Variants in ANO4 observed in about 807,000 individuals in gnomAD.
ANO4 encodes the protein anoctamin-4.
In ANO4, 69 loss-of-function variants were observed where a neutral mutation model predicts 141.9. The ratio of observed to expected loss-of-function variants is 0.49; its 90% CI spans 0.40 to 0.59. The LOEUF is 0.59. Ranked by LOEUF, ANO4 falls within the 20% of genes least tolerant of loss-of-function variation. The pLI is 0.00. For missense variants in ANO4, 894 were observed against 1,162.2 expected (o/e 0.77, Z 3.36); for synonymous variants, 350 against 394.3 (o/e 0.89, Z 1.33).
intron 3 of ANO4, among the ~76,000 whole-genome samples, chr12:100,777,256 C>T (rs1332385028): frequency 7.3e-6 from 1 of 137,878 alleles, no homozygotes; most frequent in African/African-American, 2.7e-5. Context: ...CCAAGTCCAG[C>T]TAATTTTTGT....
chr12:100,820,355 C>CA (rs10713790), intron 1 of ANO4, among the ~76,000 whole-genome samples: 8,645 of 141,138 alleles, frequency 0.061, 721 homozygotes, highest in African/African-American at 0.19. Context: ...GTCGGTTTCT[C>CA]AAAAAAAAAA....
At chr12:101,047,083 C>T (rs1465074343) in intron 13 of ANO4, among the ~76,000 whole-genome samples, 1 of 152,168 alleles carries the variant, frequency 6.6e-6, no homozygotes, top group Admixed American at 6.5e-5. Context: ...AACCCCATCT[C>T]TACAAAAATA....
At chr12:100,793,920 T>C (rs950179474), upstream of ANO4, among the ~76,000 whole-genome samples, 18 of 152,228 alleles carry the variant, frequency 1.2e-4, no homozygotes, top group Admixed American at 6.5e-5. Context: ...CTTTGCTCCT[T>C]CTGTTAGTGT....
chr12:100,885,922 CA>C (rs2039803375), intron 1 of ANO4, among the ~76,000 whole-genome samples: 1 of 152,164 alleles, frequency 6.6e-6, no homozygotes, highest in Admixed American at 6.6e-5. Context: ...TTGGATGTCC[CA>C]GGGGAGCCAC....
At chr12:100,725,343 C>CTTTTTTTTT in intron 1 of ANO4, among the ~76,000 whole-genome samples, 1 of 114,952 alleles carries the variant, frequency 8.7e-6, no homozygotes, top group Non-Finnish European at 1.7e-5. Flanking sequence ...AAATTGGTAT[C>CTTTTTTTTT]TTTTTTTTTT....
At chr12:100,752,171 C>T (rs2032413224) in intron 3 of ANO4, among the ~76,000 whole-genome samples, 1 of 152,176 alleles carries the variant, frequency 6.6e-6, no homozygotes, top group Admixed American at 6.5e-5. Context: ...TCTCTCCCTT[C>T]TCTTAACTGT....
chr12:100,877,327 C>A (rs2039360789), intron 1 of ANO4, among the ~76,000 whole-genome samples: 1 of 151,292 alleles, frequency 6.6e-6, no homozygotes, highest in Admixed American at 6.6e-5. Context: ...TACTAATTAG[C>A]TTGATTTAAT....
intron 1 of ANO4, among the ~76,000 whole-genome samples, chr12:100,893,523 A>G (rs2040204174): frequency 1.3e-5 from 2 of 152,076 alleles, no homozygotes; most frequent in African/African-American, 4.8e-5. Context: ...TCTGGGACCC[A>G]TGGCTAGTCG....
Position 101,037,144 on chromosome 12 carries a change from G to T in ANO4, c.891G>T (p.Leu297=), listed in dbSNP as rs375375787. The stretch of plus-strand genomic sequence containing the variant: ...GCTCCTATGAAGCTGCGTTTCCCCT[G>T]CATGAGGTATTGTGCTGTCTTTAAT... The part of the protein sequence containing the change: ...TNGSYEAAFP[L]HEGSYRSKNS... The change falls in exon 10 of 28, where the codon CTG becomes CTT. Residue 297 remains leucine, a synonymous_variant. Coordinates refer to ENST00000392977, the MANE Select transcript of ANO4 (RefSeq NM_001286615.2). 85 of 1,613,684 alleles carry T rather than the reference G, an allele frequency of 5.3e-5. No homozygotes were observed. The highest frequency in any genetic ancestry group is 6.0e-5 in the Non-Finnish European group (71 of 1,179,810).
At chr12:101,038,038 T>G (rs1224467075) in intron 10 of ANO4, among the ~76,000 whole-genome samples, 1 of 152,186 alleles carries the variant, frequency 6.6e-6, no homozygotes, top group Non-Finnish European at 1.5e-5. Flanking sequence ...ACAGTGGTAC[T>G]TCTCTTAATT....
chr12:100,873,742 A>G (rs1262644579), intron 1 of ANO4, among the ~76,000 whole-genome samples: 1 of 152,206 alleles, frequency 6.6e-6, no homozygotes, highest in Non-Finnish European at 1.5e-5. Flanking sequence ...AGAAAAATCC[A>G]TTTTCTGGGG....
chr12:100,762,833 C>T (rs1399207049), intron 3 of ANO4, among the ~76,000 whole-genome samples: 1 of 152,126 alleles, frequency 6.6e-6, no homozygotes, highest in African/African-American at 2.4e-5. Context: ...TCCATGTGGG[C>T]AGGGAGTTCT....
At chr12:100,944,220 C>A (rs1358563127) in intron 5 of ANO4, among the ~76,000 whole-genome samples, 1 of 152,118 alleles carries the variant, frequency 6.6e-6, no homozygotes, top group Non-Finnish European at 1.5e-5. Context: ...CCTAAAGCAT[C>A]ACCTGTACTG....
Position 101,063,745 on chromosome 12 carries a change from C to CTTTTTTTTTTTTTTTT in ANO4, c.1312+15362_1312+15377dup. ...ATGGATGGAAGGTTGTCCAGGTTATCTTTTTTTTTTTTTTTTTTTTTTTTT... is the reference window on the plus strand; with the variant it reads ...ATGGATGGAAGGTTGTCCAGGTTATCTTTTTTTTTTTTTTTTTTTTTTTTTTTTTTTTTTTTTTTTT... On this transcript the variant is annotated intron_variant, in intron 14 of 27. Transcript: ENST00000392977. 1.3e-3 allele frequency among the ~76,000 whole-genome samples: 31 copies of CTTTTTTTTTTTTTTTT among 24,796 alleles called. 7 individuals are homozygous for CTTTTTTTTTTTTTTTT. The highest frequency in any genetic ancestry group is 1.8e-3 in the African/African-American group (10 of 5,634). 16.3% of individuals were successfully genotyped at this position (24,796 alleles called of 152,430 possible). A position where few individuals can be genotyped will look rare whatever the true frequency, so the allele number is the denominator to read the frequency against.
chr12:100,812,360 C>T (rs1272513486), intron 1 of ANO4, among the ~76,000 whole-genome samples: 1 of 152,064 alleles, frequency 6.6e-6, no homozygotes, highest in African/African-American at 2.4e-5. Flanking sequence ...ATTCATAACT[C>T]CAAGCTTTAC....
chr12:101,054,348 G>T (rs1168675395), intron 14 of ANO4, among the ~76,000 whole-genome samples: 1 of 152,158 alleles, frequency 6.6e-6, no homozygotes, highest in African/African-American at 2.4e-5. Flanking sequence ...ATGGTGGTTT[G>T]CTTTATGTGG....
At chr12:101,004,199 AGAT>A (rs2045776131) in intron 8 of ANO4, among the ~76,000 whole-genome samples, 1 of 152,008 alleles carries the variant, frequency 6.6e-6, no homozygotes, top group Non-Finnish European at 1.5e-5. Context: ...GAAGTCAAGC[AGAT>A]GATAACTGCA....
chr12:100,911,312 T>A (rs10860658), intron 2 of ANO4, among the ~76,000 whole-genome samples: 4 of 152,046 alleles, frequency 2.6e-5, no homozygotes, highest in Non-Finnish European at 4.4e-5. Context: ...TCTTATTCTC[T>A]TATTTAATGT....
At chr12:100,761,053 C>G (rs933767142) in intron 3 of ANO4, among the ~76,000 whole-genome samples, 1 of 152,152 alleles carries the variant, frequency 6.6e-6, no homozygotes, top group Admixed American at 6.5e-5. Flanking sequence ...TTCCTTAATG[C>G]CTCTAGCCAT....
Sources: gnomAD v4.1 joint callset for allele counts (sites outside exome capture counted in the v4.1 genomes callset) on GRCh38, gnomAD v4.1.1 for gene constraint, MANE v1.5 for transcripts, NCBI Gene and HGNC (gene_info 2026-07-23, HGNC 2026-07-21) for gene names.